STK26: variants seen among roughly 807,000 people sequenced by gnomAD.
The protein encoded by STK26 is serine/threonine kinase 26.
A neutral mutation model predicts 34.7 loss-of-function variants in STK26; 14 were observed. That is an observed-to-expected ratio of 0.40 (90% CI 0.27 to 0.63). The LOEUF (loss-of-function observed/expected upper bound fraction) is 0.63. STK26 is among the 30% of genes least tolerant of loss of function. STK26 has a pLI of 0.38. For missense variants in STK26, 226 were observed against 309.1 expected (o/e 0.73, Z 2.02); for synonymous variants, 100 against 109.8 (o/e 0.91, Z 0.56).
chrX:132,063,163 T>C, intron 3 of STK26, among the ~76,000 whole-genome samples: 1 of 111,240 alleles, frequency 9.0e-6, no homozygotes, highest in East Asian at 2.8e-4. Context: ...TGTTGTGCTA[T>C]CAAATACTAG....
chrX:132,031,918 C>G (rs191066430), intron 2 of STK26, among the ~76,000 whole-genome samples: 229 of 111,975 alleles, frequency 2.0e-3, no homozygotes, highest in African/African-American at 6.7e-3. Context: ...ACAGCCAACT[C>G]TACCCACGAT....
intron 3 of STK26, among the ~76,000 whole-genome samples, chrX:132,061,235 G>A (rs992288557): frequency 2.7e-5 from 3 of 112,040 alleles, no homozygotes; most frequent in African/African-American, 9.7e-5. Flanking sequence ...ATAGAGTATA[G>A]TACTTGTTAG....
chrX:132,032,264 A>G (rs1925868951), intron 2 of STK26, among the ~76,000 whole-genome samples: 1 of 112,139 alleles, frequency 8.9e-6, no homozygotes, highest in Admixed American at 9.4e-5. Context: ...AGCTTTGGAT[A>G]GTCTGGCAAA....
At chrX:132,063,554 T>A (rs1285551638) in intron 4 of STK26, 65 bp downstream of exon 4, 2 of 1,018,752 alleles carry the variant, frequency 2.0e-6, no homozygotes, top group Middle Eastern at 2.9e-4. Context: ...CTTAATTTTT[T>A]AAATTGAAGA....
chrX:132,038,415 G>A (rs761789806), intron 2 of STK26, among the ~76,000 whole-genome samples: 6 of 111,227 alleles, frequency 5.4e-5, no homozygotes, highest in Non-Finnish European at 7.6e-5. Context: ...AGTCTTTTTC[G>A]TTGGTAGAAA....
At chrX:132,032,001 A>G (rs1202878089) in intron 2 of STK26, among the ~76,000 whole-genome samples, 1 of 111,307 alleles carries the variant, frequency 9.0e-6, no homozygotes, top group Non-Finnish European at 1.9e-5. Context: ...CAGAGAAACC[A>G]GAAAACCTAT....
intron 10 of STK26, 32 bp downstream of exon 10, chrX:132,072,907 G>A: frequency 5.0e-6 from 6 of 1,205,236 alleles, no homozygotes; most frequent in Non-Finnish European, 6.7e-6. Flanking sequence ...TTGGATATCT[G>A]TGTTAAGTAG....
chrX:132,073,894 T>A (rs1255133590), intron 11 of STK26, among the ~76,000 whole-genome samples: 2 of 111,456 alleles, frequency 1.8e-5, no homozygotes, highest in Non-Finnish European at 3.8e-5. Flanking sequence ...TAACCCCCTC[T>A]TAAAATCCCT....
intron 2 of STK26, among the ~76,000 whole-genome samples, chrX:132,046,485 C>G (rs1457815724): frequency 9.0e-6 from 1 of 111,280 alleles, no homozygotes; most frequent in East Asian, 2.8e-4. Context: ...AGTATTTTTG[C>G]TAATGAGATG....
chrX:132,038,626 A>G (rs759510697), intron 2 of STK26, among the ~76,000 whole-genome samples: 9 of 111,371 alleles, frequency 8.1e-5, no homozygotes, highest in African/African-American at 2.9e-4. Flanking sequence ...AAGATGCCAG[A>G]ATATCTATCA....
At chrX:132,023,836 G>A (rs1935039552) in intron 2 of STK26, among the ~76,000 whole-genome samples, 177 bp downstream of exon 2, 1 of 112,390 alleles carries the variant, frequency 8.9e-6, no homozygotes, top group Non-Finnish European at 1.9e-5. Flanking sequence ...GTGTAGGCTA[G>A]GTAGTGCTCT....
At chrX:132,044,671 C>CTATATATA (rs1247702257) in intron 2 of STK26, among the ~76,000 whole-genome samples, 10 of 38,440 alleles carry the variant, frequency 2.6e-4, no homozygotes, top group African/African-American at 8.8e-4. Flanking sequence ...CTCTCGAGAT[C>CTATATATA]TATATATATA....
At position 132,061,054 on chromosome X, in the gene STK26, A is replaced by G. The variant is rs1310639409; in HGVS notation, c.274-2379A>G. Among the ~76,000 whole-genome samples the G allele has an allele frequency of 4.5e-5, 5 of 112,293 alleles. No homozygotes were observed. The Admixed American group carries it at 4.7e-4, about 11-fold the overall frequency. On this transcript the variant is annotated intron_variant, in intron 3 of 11. Coordinates refer to ENST00000394334, the MANE Select transcript of STK26 (RefSeq NM_016542.4). ...TTCTATGAACACGTTTTACTGACAG[A>G]CAGTTGGCAAGTTTCTGTTTTGAAT...
intron 2 of STK26, among the ~76,000 whole-genome samples, chrX:132,026,569 T>C (rs1016336148): frequency 1.8e-5 from 2 of 112,395 alleles, no homozygotes; most frequent in African/African-American, 6.5e-5. Flanking sequence ...AACCCTGTTT[T>C]CTTTGAAGTT....
chrX:132,066,077 T>C (rs1927209464), intron 4 of STK26, among the ~76,000 whole-genome samples: 3 of 111,667 alleles, frequency 2.7e-5, no homozygotes. Context: ...ACCTAACTAA[T>C]GGAATAACAT....
chrX:132,074,302 A>G lies in STK26; in HGVS notation c.*143A>G. On this transcript the variant is annotated 3_prime_UTR_variant, in exon 12 of 12. Transcript: ENST00000394334. ...AAGATTTGGAAGAAGCTATTAAACT[A>G]TTTTGTGATGGCGTTTATCATTTTA... The G allele has an allele frequency of 2.0e-6, 1 of 508,714 alleles. No homozygotes were observed. The highest frequency in any genetic ancestry group is 3.8e-5 in the East Asian group (1 of 26,349). 41.9% of individuals were successfully genotyped at this position (508,714 alleles called of 1,213,427 possible). A position where few individuals can be genotyped will look rare whatever the true frequency, so the allele number is the denominator to read the frequency against.
intron 2 of STK26, among the ~76,000 whole-genome samples, chrX:132,037,336 C>A (rs1053166030): frequency 9.0e-6 from 1 of 111,709 alleles, no homozygotes; most frequent in Non-Finnish European, 1.9e-5. Context: ...CCTGAAGAAA[C>A]TGAACTCACA....
In STK26 at chrX:132,023,576, G is replaced by A. The variant is rs1213829793; in HGVS notation, c.-42G>A. 8.6e-7 allele frequency: 1 copy of A among 1,166,943 alleles called. No homozygotes were observed. Among genetic ancestry groups the A allele is most frequent in the Non-Finnish European group, 1.1e-6 (1 of 872,516 alleles). ...AGGGAGGAGCCAGTCCGAACCCAAG[G>A]CGCCACCGCCGCAGAAGCGGAGCGA... On this transcript the variant is annotated 5_prime_UTR_variant, in exon 2 of 12. Coordinates refer to ENST00000394334, the MANE Select transcript of STK26 (RefSeq NM_016542.4).
intron 9 of STK26, 108 bp from the exon 10 acceptor site, chrX:132,072,705 C>A: frequency 1.2e-6 from 1 of 823,877 alleles, no homozygotes; most frequent in Non-Finnish European, 1.8e-6. Context: ...TGCATACAAT[C>A]TTTTGTTTTC....
Sources: allele counts gnomAD v4.1 joint callset (sites outside exome capture counted in the v4.1 genomes callset), GRCh38; gene constraint gnomAD v4.1.1; transcripts MANE v1.5; gene names NCBI Gene and HGNC (gene_info 2026-07-23, HGNC 2026-07-21).